Variants in COX7C observed in about 807,000 individuals in gnomAD.
COX7C encodes cytochrome c oxidase subunit 7C, mitochondrial.
COX7C carries 1 observed loss-of-function variant against 6.4 expected under a neutral mutation model. The ratio of observed to expected loss-of-function variants is 0.16; its 90% CI spans 0.06 to 0.74. The LOEUF is 0.74. Ranked by LOEUF, COX7C falls within the 30% of genes least tolerant of loss-of-function variation. COX7C has a pLI of 0.78. For synonymous variants in COX7C, 24 were observed against 28.9 expected (o/e 0.83, Z 0.54); for missense variants, 54 against 73.7 (o/e 0.73, Z 0.98).
At chr5:86,618,383 C>T in intron 1 of COX7C, 2 of 483,008 alleles carry the variant, frequency 4.1e-6, no homozygotes, top group Non-Finnish European at 7.5e-6. Context: ...CTCCCCCGCC[C>T]CGCAGAAAGC....
At chr5:86,618,447 T>C (rs1750048406) in intron 1 of COX7C, 1 of 313,512 alleles carries the variant, frequency 3.2e-6, no homozygotes, top group Non-Finnish European at 6.0e-6. Context: ...AAATCCGAGC[T>C]GGAGGTCATC....
chr5:86,619,428 A>G lies in COX7C; in HGVS notation c.151A>G (p.Thr51Ala). Residue 51 changes from threonine to alanine, a missense_variant, in exon 2 of 3, where the codon ACA (threonine) becomes GCA (alanine). Transcript: ENST00000247655. ...MCLYFGSAFA[T>A]PFLVVRHQLL... ...TTTGTACTTTGGATCTGCATTTGCT[A>G]CACCCTTCCTTGTAGTAAGACACCA... 1 of 1,613,680 alleles carries G rather than the reference A, an allele frequency of 6.2e-7. No individual in the cohort carries two copies. Among genetic ancestry groups the G allele is most frequent in the Non-Finnish European group, 8.5e-7 (1 of 1,179,672 alleles).
In COX7C at chr5:86,619,329, ACTTTTTCT is replaced by A; in HGVS notation, c.76-17_76-10del. The A allele has an allele frequency of 7.2e-7, 1 of 1,389,138 alleles. No individual in the cohort carries two copies. The highest frequency in any genetic ancestry group is 1.0e-6 in the Non-Finnish European group (1 of 977,292). The allele number at this position is 1,389,138 out of a possible 1,614,324, so 86.1% of individuals were successfully genotyped here. Reference sequence around the variant, plus strand: ...GATGATTTGAGATTCAATTTCGATTACTTTTTCTCTTTTTTTCCAACAGAATTTGCCAT... The same window carrying A: ...GATGATTTGAGATTCAATTTCGATTACTTTTTTTCCAACAGAATTTGCCAT... On this transcript the variant is annotated splice_polypyrimidine_tract_variant and intron_variant, in intron 1 of 2. Transcript: ENST00000247655.
At chr5:86,618,978 CA>C (rs368187717) in intron 1 of COX7C, among the ~76,000 whole-genome samples, 1,286 of 62,398 alleles carry the variant, frequency 0.021, 15 homozygotes, top group East Asian at 0.077. Context: ...GACTCCGTCT[CA>C]AAAAAAAAAA....
rs957859942 is a variant in COX7C, at chr5:86,618,284, T to C, written c.75+154T>C. 5.8e-6 allele frequency: 4 copies of C among 688,462 alleles called. No individual in the cohort carries two copies. In the African/African-American group the frequency reaches 7.2e-5, roughly 12 times the overall value. 42.6% of individuals were successfully genotyped at this position (688,462 alleles called of 1,614,324 possible). A position where few individuals can be genotyped will look rare whatever the true frequency, so the allele number is the denominator to read the frequency against. ...GCATTCCACTTAGCCCAAGGACCAGTGAGGAAGCTGGGCATCCTAGCGCGT... is the reference window on the plus strand; with the variant it reads ...GCATTCCACTTAGCCCAAGGACCAGCGAGGAAGCTGGGCATCCTAGCGCGT... On this transcript the variant is annotated intron_variant, in intron 1 of 2. Transcript: ENST00000247655.
At chr5:86,618,355 T>A in intron 1 of COX7C, 1 of 508,930 alleles carries the variant, frequency 2.0e-6, no homozygotes, top group Non-Finnish European at 3.6e-6. Context: ...CCTGCCTCCA[T>A]CAGCCACCTG....
At chr5:86,618,405 T>C (rs1489257083) in intron 1 of COX7C, 1 of 447,472 alleles carries the variant, frequency 2.2e-6, no homozygotes, top group South Asian at 2.4e-5. Context: ...CTGAGATGGC[T>C]CCGGGAGGCC....
In COX7C at chr5:86,619,385, G is replaced by A. The variant is rs147693864; in HGVS notation, c.108G>A (p.Ser36=). The stretch of plus-strand genomic sequence containing the variant: ...CATTTTCAGTGGAAAACAAGTGGTC[G>A]TTACTAGCTAAGATGTGTTTGTACT... ...NLPFSVENKW[S]LLAKMCLYFG... is the part of the protein sequence containing the mutation. Residue 36 remains serine, a synonymous_variant, in exon 2 of 3, where the codon TCG becomes TCA. Coordinates refer to ENST00000247655, the MANE Select transcript of COX7C (RefSeq NM_001867.3). 6.5e-4 allele frequency: 1,047 copies of A among 1,613,082 alleles called. 8 individuals are homozygous for A. Among genetic ancestry groups the A allele is most frequent in the Middle Eastern group, 5.9e-3 (33 of 5,560 alleles).
At chr5:86,618,406 C>G in intron 1 of COX7C, 1 of 445,964 alleles carries the variant, frequency 2.2e-6, no homozygotes, top group Non-Finnish European at 4.1e-6. Context: ...TGAGATGGCT[C>G]CGGGAGGCCA....
rs1407300003 is a variant in COX7C, at chr5:86,620,880, T to C, written c.*240T>C. 1 of 156,840 alleles carries C rather than the reference T, an allele frequency of 6.4e-6. No individual in the cohort carries two copies. The highest frequency in any genetic ancestry group is 1.4e-5 in the Non-Finnish European group (1 of 70,548). 9.7% of individuals were successfully genotyped at this position (156,840 alleles called of 1,614,324 possible). On this transcript the variant is annotated 3_prime_UTR_variant, in exon 3 of 3. Transcript: ENST00000247655. ...TGTGATTTAGCTTATTTAATGGTGT[T>C]AAACTGAGGTTATATTAAATTTTTG...
In COX7C at chr5:86,620,754, C is replaced by A. The variant is rs188162668; in HGVS notation, c.*114C>A. On this transcript the variant is annotated 3_prime_UTR_variant, in exon 3 of 3. Transcript: ENST00000247655. Reference sequence around the variant, plus strand: ...CATACTAGATATGTTTGTCAATAAACTTATGACGTGAATGCTTAATGCCTC... The same window carrying A: ...CATACTAGATATGTTTGTCAATAAAATTATGACGTGAATGCTTAATGCCTC... 6.5e-6 allele frequency: 2 copies of A among 306,000 alleles called. No homozygotes were observed. The highest frequency in any genetic ancestry group is 7.1e-6 in the Non-Finnish European group (1 of 140,660). The allele number at this position is 306,000 out of a possible 1,614,324, so 19.0% of individuals were successfully genotyped here. A position where few individuals can be genotyped will look rare whatever the true frequency, so the allele number is the denominator to read the frequency against.
chr5:86,620,583 A>G (rs760750723), intron 2 of COX7C, 85 bp from the exon 3 acceptor site: 12 of 405,884 alleles, frequency 3.0e-5, no homozygotes, highest in South Asian at 1.5e-4. Context: ...TCAAACTGAT[A>G]GAAAATATTT....
chr5:86,618,035 C>T lies in COX7C; in HGVS notation c.-21C>T, dbSNP rs1750033983. On this transcript the variant is annotated 5_prime_UTR_variant, in exon 1 of 3. Transcript: ENST00000247655. ...ATCTGTCCTCATTCTCTGCGCCTTT[C>T]GCAGAGCTTCCAGCAGCGGTATGTT... 6.2e-7 allele frequency: 1 copy of T among 1,612,696 alleles called. No homozygotes were observed. Among genetic ancestry groups the T allele is most frequent in the African/African-American group, 1.3e-5 (1 of 74,882 alleles).
At chr5:86,619,572 C>G (rs1450790573) in intron 2 of COX7C, 76 bp downstream of exon 2, 4 of 760,540 alleles carry the variant, frequency 5.3e-6, no homozygotes, top group Non-Finnish European at 9.4e-6. Flanking sequence ...CCAGAACACA[C>G]ACACAAATAC....
At chr5:86,618,394 C>T in intron 1 of COX7C, 2 of 468,878 alleles carry the variant, frequency 4.3e-6, no homozygotes, top group Middle Eastern at 1.2e-3. Context: ...CGCAGAAAGC[C>T]CTGAGATGGC....
Position 86,617,966 on chromosome 5 carries a change from A to C in COX7C, c.-90A>C. On this transcript the variant is annotated 5_prime_UTR_variant, in exon 1 of 3. Coordinates refer to ENST00000247655, the MANE Select transcript of COX7C (RefSeq NM_001867.3). Reference sequence around the variant, plus strand: ...CTTTTCAGTCCTTGCGCACCGGGGAACAAGGTCGTGAAAAAAAAGGTCTTG... The same window carrying C: ...CTTTTCAGTCCTTGCGCACCGGGGACCAAGGTCGTGAAAAAAAAGGTCTTG... 1 of 1,201,566 alleles carries C rather than the reference A, an allele frequency of 8.3e-7. No individual in the cohort carries two copies. The highest frequency in any genetic ancestry group is 1.2e-6 in the Non-Finnish European group (1 of 817,890). The allele number at this position is 1,201,566 out of a possible 1,614,324, so 74.4% of individuals were successfully genotyped here. A position where few individuals can be genotyped will look rare whatever the true frequency, so the allele number is the denominator to read the frequency against.
rs1750072713 is a variant in COX7C, at chr5:86,619,484, C to T, written c.*15C>T. Reference sequence around the variant, plus strand: ...TTAAAACATAAGGATGTTTCAGTTCCTCCATTTAACAGGTAGTTAGTGGAT... The same window carrying T: ...TTAAAACATAAGGATGTTTCAGTTCTTCCATTTAACAGGTAGTTAGTGGAT... On this transcript the variant is annotated 3_prime_UTR_variant, in exon 2 of 3. Coordinates refer to ENST00000247655, the MANE Select transcript of COX7C (RefSeq NM_001867.3). The T allele has an allele frequency of 1.3e-6, 2 of 1,496,066 alleles. No homozygotes were observed. Among genetic ancestry groups the T allele is most frequent in the African/African-American group, 1.4e-5 (1 of 72,594 alleles). 92.7% of individuals were successfully genotyped at this position (1,496,066 alleles called of 1,614,324 possible).
At chr5:86,618,359 C>T in intron 1 of COX7C, 1 of 507,546 alleles carries the variant, frequency 2.0e-6, no homozygotes, top group Non-Finnish European at 3.6e-6. Context: ...CCTCCATCAG[C>T]CACCTGACGC....
intron 2 of COX7C, chr5:86,619,752 C>T (rs1561268653): frequency 1.1e-5 from 3 of 274,584 alleles, no homozygotes; most frequent in East Asian, 6.9e-5. Context: ...GCTTGTGAGG[C>T]GGATGATAGT....
Sources: gnomAD v4.1 joint callset for allele counts (sites outside exome capture counted in the v4.1 genomes callset) on GRCh38, gnomAD v4.1.1 for gene constraint, MANE v1.5 for transcripts, NCBI Gene and HGNC (gene_info 2026-07-23, HGNC 2026-07-21) for gene names.